The following MGST1 variants were observed in gnomAD, a reference collection of about 807,000 sequenced individuals.
The protein encoded by MGST1 is microsomal glutathione S-transferase 1.
In MGST1, 5 loss-of-function variants were observed where a neutral mutation model predicts 8.9. The observed-to-expected ratio is 0.56, with a 90% confidence interval of 0.29 to 1.19. MGST1 has a LOEUF of 1.19. Among genes scored for constraint, MGST1 ranks in the 50% most tolerant of loss-of-function variants. The pLI is 0.08. For missense variants in MGST1, 182 were observed against 187.4 expected, an observed-to-expected ratio of 0.97 and a Z score of 0.17; for synonymous variants, 54 against 67.8, an observed-to-expected ratio of 0.80 and a Z score of 1.00.
chr12:16,399,236 G>A, intron 1 of MGST1: 1 of 1,547,866 alleles, frequency 6.5e-7, no homozygotes, highest in Non-Finnish European at 8.9e-7. Context: ...TCAGGGTTTG[G>A]CTAGAGGAAG....
At chr12:16,407,469 T>C (rs1248133005) in intron 1 of MGST1, among the ~76,000 whole-genome samples, 1 of 151,444 alleles carries the variant, frequency 6.6e-6, no homozygotes, top group Non-Finnish European at 1.5e-5. Flanking sequence ...CTGGTGGGAG[T>C]GTAAATAAGT....
At chr12:16,416,463 C>T (rs1238665196) in intron 1 of MGST1, among the ~76,000 whole-genome samples, 1 of 152,128 alleles carries the variant, frequency 6.6e-6, no homozygotes, top group Non-Finnish European at 1.5e-5. Context: ...AAACTTATTT[C>T]TCACAGCTCT....
chr12:16,357,853 TG>T (rs748773351), intron 3 of MGST1, among the ~76,000 whole-genome samples, 154 bp downstream of exon 3: 11,754 of 152,258 alleles, frequency 0.077, 570 homozygotes, highest in East Asian at 0.23. Context: ...TGTCTGAAAT[TG>T]ACACACTGCA....
chr12:16,375,301 A>G (rs186096920), intron 3 of MGST1, among the ~76,000 whole-genome samples: 12 of 152,334 alleles, frequency 7.9e-5, no homozygotes, highest in African/African-American at 2.9e-4. Context: ...TTTTAAAAGT[A>G]TCTTGTTTTA....
chr12:16,353,135 GC>G, intron 1 of MGST1, among the ~76,000 whole-genome samples: 1 of 152,120 alleles, frequency 6.6e-6, no homozygotes, highest in African/African-American at 2.4e-5. Flanking sequence ...CTGGGTTCAT[GC>G]TATTCTCCTG....
intron 1 of MGST1, among the ~76,000 whole-genome samples, chr12:16,412,846 T>C (rs1306593270): frequency 1.3e-5 from 2 of 152,196 alleles, no homozygotes; most frequent in Non-Finnish European, 2.9e-5. Context: ...ATGTCTTTAT[T>C]AGCAGGGTGA....
At chr12:16,499,780 T>A (rs1020915760) in intron 4 of MGST1, among the ~76,000 whole-genome samples, 1 of 152,126 alleles carries the variant, frequency 6.6e-6, no homozygotes, top group Non-Finnish European at 1.5e-5. Flanking sequence ...TGTGTAGAGA[T>A]CTGACACCCA....
chr12:16,418,757 G>A (rs1229611540), intron 1 of MGST1, among the ~76,000 whole-genome samples: 1 of 152,036 alleles, frequency 6.6e-6, no homozygotes, highest in Admixed American at 6.6e-5. Flanking sequence ...TAATAATAAT[G>A]CCTAACTCTT....
At position 16,401,387 on chromosome 12, in the gene MGST1, T is replaced by A. The variant is rs564958321; in HGVS notation, n.778+17783T>A. 1.8e-6 allele frequency: 2 copies of A among 1,106,330 alleles called. No individual in the cohort carries two copies. Among genetic ancestry groups the A allele is most frequent in the Non-Finnish European group, 1.4e-6 (1 of 722,096 alleles). 68.5% of individuals were successfully genotyped at this position (1,106,330 alleles called of 1,614,324 possible). On this transcript the variant is annotated intron_variant and non_coding_transcript_variant, in intron 1 of 1. Transcript: ENST00000359720. The surrounding 1 kb of genome is among the most constrained non-coding windows in gnomAD (Gnocchi z 4.3). ...ATTCCCACCCCAAATCCTAGGTTTCTGGTAATTTTGTTCAGGAGTTCTGGC... is the reference window on the plus strand; with the variant it reads ...ATTCCCACCCCAAATCCTAGGTTTCAGGTAATTTTGTTCAGGAGTTCTGGC...
At chr12:16,386,074 G>T (rs1940501314) in intron 1 of MGST1, among the ~76,000 whole-genome samples, 1 of 152,122 alleles carries the variant, frequency 6.6e-6, no homozygotes, top group South Asian at 2.1e-4. Flanking sequence ...CTCTATTTCA[G>T]TTCCCTGTAT....
intron 1 of MGST1, among the ~76,000 whole-genome samples, chr12:16,433,961 C>A (rs1438481963): frequency 6.6e-6 from 1 of 152,022 alleles, no homozygotes; most frequent in Non-Finnish European, 1.5e-5. Context: ...TTTATATTGC[C>A]ACCAATACCT....
At chr12:16,514,895 C>T (rs1041148933) in intron 4 of MGST1, among the ~76,000 whole-genome samples, 1 of 152,210 alleles carries the variant, frequency 6.6e-6, no homozygotes, top group African/African-American at 2.4e-5. Flanking sequence ...AAACAAAACT[C>T]TACCCTATCC....
intron 4 of MGST1, among the ~76,000 whole-genome samples, chr12:16,572,421 T>C (rs1405515558): frequency 1.4e-5 from 2 of 146,776 alleles, no homozygotes; most frequent in Admixed American, 6.8e-5. Context: ...TGTATCTATC[T>C]TCTTTATTAA....
In MGST1 at chr12:16,585,479, ATAT is replaced by A. The variant is rs1943290893; in HGVS notation, n.483-4044_483-4042del. Among the ~76,000 whole-genome samples the A allele has an allele frequency of 6.6e-6, 1 of 152,212 alleles. No individual in the cohort carries two copies. The highest frequency in any genetic ancestry group is 2.1e-4 in the South Asian group (1 of 4,834). Reference sequence around the variant, plus strand: ...ATGTTGTTTCAAATATTGTTCCCAAATATTATTCAAATTCACCTAATTTTACAT... The same window carrying A: ...ATGTTGTTTCAAATATTGTTCCCAAATATTCAAATTCACCTAATTTTACAT... On this transcript the variant is annotated intron_variant and non_coding_transcript_variant, in intron 4 of 4. Transcript: ENST00000538857. This position sits in a 1 kb window ranked among gnomAD's most constrained non-coding sequence, Gnocchi z 4.7.
chr12:16,588,246 A>G (rs1386427319), intron 4 of MGST1, among the ~76,000 whole-genome samples: 1 of 151,986 alleles, frequency 6.6e-6, no homozygotes. Flanking sequence ...ATTTATAAAT[A>G]TATACAAATA....
In MGST1 at chr12:16,496,683, A is replaced by G. The variant is rs549647606; in HGVS notation, n.483-92845A>G. ...GTCTATTGTCATCTTTATGTCTATG[A>G]ATACCTAATGTTTAGCTGCCACTTA... On this transcript the variant is annotated intron_variant and non_coding_transcript_variant, in intron 4 of 4. Transcript: ENST00000538857. Among the ~76,000 whole-genome samples the G allele has an allele frequency of 3.0e-4, 45 of 152,164 alleles. No homozygotes were observed. The South Asian group carries it at 8.5e-3, about 29-fold the overall frequency.
intron 4 of MGST1, among the ~76,000 whole-genome samples, chr12:16,490,604 C>T (rs78346519): frequency 0.02 from 3,050 of 151,978 alleles, 40 homozygotes; most frequent in Non-Finnish European, 0.031. Flanking sequence ...AGTACTATAC[C>T]CTTGGCAGAA....
rs2137003057 is a variant in MGST1 at position 16,364,287 on chromosome 12, C to G, written c.*246C>G. 8.6e-7 allele frequency: 1 copy of G among 1,167,338 alleles called. No individual in the cohort carries two copies. The highest frequency in any genetic ancestry group is 4.0e-5 in the East Asian group (1 of 24,894). The allele number at this position is 1,167,338 out of a possible 1,614,324, so 72.3% of individuals were successfully genotyped here. Reference sequence around the variant, plus strand: ...AAAGTACTTTCTTATAAATTTGGATCATGTTATGATTTGTAACATTCACAC... The same window carrying G: ...AAAGTACTTTCTTATAAATTTGGATGATGTTATGATTTGTAACATTCACAC... On this transcript the variant is annotated 3_prime_UTR_variant, in exon 4 of 4. Transcript: ENST00000396210. The surrounding 1 kb of genome is among the most constrained non-coding windows in gnomAD (Gnocchi z 5.7).
Position 16,401,934 on chromosome 12 carries a change from T to C in MGST1, n.778+18330T>C, listed in dbSNP as rs2137063482. 1.9e-6 allele frequency: 3 copies of C among 1,610,694 alleles called. No homozygotes were observed. The highest frequency in any genetic ancestry group is 2.5e-6 in the Non-Finnish European group (3 of 1,176,842). On this transcript the variant is annotated intron_variant and non_coding_transcript_variant, in intron 1 of 1. Coordinates refer to the MGST1 transcript ENST00000359720. This position sits in a 1 kb window ranked among gnomAD's most constrained non-coding sequence, Gnocchi z 4.3. ...TGTATATGCCACAACTGCACTGATATCTATTTTGTCAAAGCCTTCTTTGTT... is the reference window on the plus strand; with the variant it reads ...TGTATATGCCACAACTGCACTGATACCTATTTTGTCAAAGCCTTCTTTGTT...
Sources: allele counts gnomAD v4.1 joint callset (sites outside exome capture counted in the v4.1 genomes callset), GRCh38; gene constraint gnomAD v4.1.1; non-coding constraint Gnocchi (gnomAD v3.1); transcripts MANE v1.5; gene names NCBI Gene and HGNC (gene_info 2026-07-23, HGNC 2026-07-21).